PRKAR1B: variants seen among roughly 807,000 people sequenced by gnomAD.
The protein encoded by PRKAR1B is cAMP-dependent protein kinase type I-beta regulatory subunit.
A neutral mutation model predicts 46.5 loss-of-function variants in PRKAR1B; 22 were observed. The observed-to-expected ratio is 0.47, with a 90% CI of 0.34 to 0.68. PRKAR1B has a LOEUF of 0.68. Ranked by LOEUF, PRKAR1B falls within the 30% of genes least tolerant of loss-of-function variation. The pLI is 0.01. For synonymous variants in PRKAR1B, 259 were observed against 217.7 expected, an observed-to-expected ratio of 1.19 and a Z score of -1.67; for missense variants, 445 against 535.6, an observed-to-expected ratio of 0.83 and a Z score of 1.67.
chr7:551,317 T>C, intron 10 of PRKAR1B, 72 bp downstream of exon 10: 1 of 1,449,048 alleles, frequency 6.9e-7, no homozygotes, highest in South Asian at 1.2e-5. Flanking sequence ...GCTCCTCACC[T>C]CCAGGCCCCT....
chr7:587,198 C>A (rs1421440485), intron 7 of PRKAR1B, among the ~76,000 whole-genome samples: 1 of 152,124 alleles, frequency 6.6e-6, no homozygotes, highest in Non-Finnish European at 1.5e-5. Flanking sequence ...TCAGAGGAGC[C>A]CCCCAAATGC....
At chr7:717,016 C>T (rs190536243) in intron 1 of PRKAR1B, among the ~76,000 whole-genome samples, 50 of 152,252 alleles carry the variant, frequency 3.3e-4, no homozygotes, top group Admixed American at 2.2e-3. Flanking sequence ...TCCAGCCGGG[C>T]GCAGTGCCTC....
At chr7:568,814 C>T (rs926752790) in intron 9 of PRKAR1B, among the ~76,000 whole-genome samples, 4 of 152,302 alleles carry the variant, frequency 2.6e-5, no homozygotes, top group Non-Finnish European at 4.4e-5. Context: ...CAGGGTAATC[C>T]GGGACCTTGG....
chr7:597,785 GC>G (rs1781349067), intron 6 of PRKAR1B, among the ~76,000 whole-genome samples: 1 of 152,190 alleles, frequency 6.6e-6, no homozygotes. Flanking sequence ...GCTGGAGAGG[GC>G]CTGCAATGGC....
intron 9 of PRKAR1B, among the ~76,000 whole-genome samples, chr7:559,146 GCCCGGACCAGGAC>G (rs980021601): frequency 1.3e-5 from 2 of 152,222 alleles, no homozygotes; most frequent in Non-Finnish European, 2.9e-5. Context: ...CCACATCCCT[GCCCGGACCAGGAC>G]TCGGCACCCA....
intron 9 of PRKAR1B, chr7:564,970 A>T (rs972087875): frequency 3.3e-5 from 5 of 152,182 alleles, no homozygotes; most frequent in Non-Finnish European, 5.9e-5. Context: ...AGGAGTGACA[A>T]CTGACAGGTG....
intron 4 of PRKAR1B, among the ~76,000 whole-genome samples, chr7:652,537 G>C (rs1196624438): frequency 1.3e-5 from 2 of 151,586 alleles, no homozygotes; most frequent in African/African-American, 4.9e-5. Flanking sequence ...CCTCTCGGAA[G>C]AAAGTTCATA....
At chr7:573,924 C>T (rs1311261286) in intron 9 of PRKAR1B, among the ~76,000 whole-genome samples, 2 of 152,234 alleles carry the variant, frequency 1.3e-5, no homozygotes, top group African/African-American at 2.4e-5. Flanking sequence ...AGAATCCCCC[C>T]GCCGGGGTGC....
Position 677,248 on chromosome 7 carries a change from G to T in PRKAR1B, c.421C>A (p.Leu141Met). The T allele has an allele frequency of 6.2e-7, 1 of 1,614,246 alleles. No individual in the cohort carries two copies. Among genetic ancestry groups the T allele is most frequent in the African/African-American group, 1.3e-5 (1 of 75,066 alleles). The part of the protein sequence containing the change: ...AISKNVLFAH[L>M]DDNERSDIFD... Reference sequence around the variant, plus strand: ...GCCTACCTCCTCTCGTTGTCATCCAGGTGAGCGAAGAGCACGTTCTTGGAG... The same window carrying T: ...GCCTACCTCCTCTCGTTGTCATCCATGTGAGCGAAGAGCACGTTCTTGGAG... Residue 141 changes from leucine (L) to methionine (M), a missense_variant, in exon 4 of 11, where the codon CTG (leucine) becomes ATG (methionine). Physicochemically the swap from Leu to Met is conservative, Grantham distance 15. This residue lies in a region of PRKAR1B where 94 missense variants were observed against 126.9 expected (regional missense o/e 0.74). Coordinates refer to ENST00000537384, the MANE Select transcript of PRKAR1B (RefSeq NM_001164760.2).
intron 9 of PRKAR1B, among the ~76,000 whole-genome samples, chr7:572,953 T>C (rs1452542654): frequency 6.6e-6 from 1 of 152,020 alleles, no homozygotes; most frequent in African/African-American, 2.4e-5. Flanking sequence ...ACGCGCTGCT[T>C]CAAGAAAAAC....
chr7:555,078 C>G (rs1265599788), intron 9 of PRKAR1B, among the ~76,000 whole-genome samples: 1 of 152,244 alleles, frequency 6.6e-6, no homozygotes, highest in African/African-American at 2.4e-5. Flanking sequence ...TCCTGCACTT[C>G]TCCCCTCAGC....
Position 653,079 on chromosome 7 carries a change from C to T in PRKAR1B, c.440+24150G>A, listed in dbSNP as rs550055983. ...TGGTGGCTGGGCGCCAAGAAGGACC[C>T]GCTCCCAGTGGACAAGTGCTTCTCC... On this transcript the variant is annotated intron_variant, in intron 4 of 10. Transcript: ENST00000537384. Among the ~76,000 whole-genome samples the T allele has an allele frequency of 6.6e-4, 101 of 152,304 alleles. 1 individual carries two copies. The highest frequency in any genetic ancestry group is 3.5e-3 in the South Asian group (17 of 4,824).
At chr7:637,814 CAA>C (rs528203393) in intron 4 of PRKAR1B, among the ~76,000 whole-genome samples, 91 of 152,008 alleles carry the variant, frequency 6.0e-4, no homozygotes, top group African/African-American at 2.1e-3. Context: ...GCCTGGGGGA[CAA>C]GAGAGAGACT....
chr7:718,904 C>T (rs1780977986), intron 1 of PRKAR1B, among the ~76,000 whole-genome samples: 1 of 125,818 alleles, frequency 7.9e-6, no homozygotes, highest in African/African-American at 3.0e-5. Flanking sequence ...TAAGGTCTCG[C>T]TCTGTCATCC....
chr7:629,413 A>G (rs1305628236), intron 4 of PRKAR1B, among the ~76,000 whole-genome samples: 158 of 64,452 alleles, frequency 2.5e-3, no homozygotes, highest in East Asian at 4.5e-3. Flanking sequence ...CACCACCCCA[A>G]GGCTGGAAAA....
At chr7:582,980 G>A (rs773294041) in intron 8 of PRKAR1B, among the ~76,000 whole-genome samples, 26 of 152,206 alleles carry the variant, frequency 1.7e-4, no homozygotes, top group Non-Finnish European at 2.9e-4. Context: ...AAGCCACACA[G>A]GTGATTCCAT....
At chr7:680,423 G>C in intron 3 of PRKAR1B, 133 bp downstream of exon 3, 1 of 931,592 alleles carries the variant, frequency 1.1e-6, no homozygotes, top group South Asian at 1.8e-5. Flanking sequence ...CACCCACATA[G>C]TCCTCCCTCC....
chr7:570,415 C>T (rs377667294), intron 9 of PRKAR1B, among the ~76,000 whole-genome samples: 14 of 152,198 alleles, frequency 9.2e-5, no homozygotes, highest in South Asian at 6.2e-4. Flanking sequence ...TTTGCAGCTC[C>T]GCTCTTGCGT....
chr7:698,327 G>C (rs1562349640), intron 2 of PRKAR1B, among the ~76,000 whole-genome samples: 1 of 152,126 alleles, frequency 6.6e-6, no homozygotes, highest in Admixed American at 6.5e-5. Context: ...GAGGCTAGGG[G>C]CAGAGTGTAC....
Sources: allele counts gnomAD v4.1 joint callset (sites outside exome capture counted in the v4.1 genomes callset), GRCh38; gene constraint gnomAD v4.1.1; regional missense constraint gnomAD v4.1.1; transcripts MANE v1.5; gene names NCBI Gene and HGNC (gene_info 2026-07-23, HGNC 2026-07-21).